The following CAB39L variants were observed in gnomAD, a reference collection of about 807,000 sequenced individuals.
CAB39L encodes calcium binding protein 39 like.
A neutral mutation model predicts 39.1 loss-of-function variants in CAB39L; 23 were observed. The ratio of observed to expected loss-of-function variants is 0.59; its 90% CI spans 0.42 to 0.83. The LOEUF (loss-of-function observed/expected upper bound fraction) is 0.83, where lower values mean the gene tolerates loss of function less well. Ranked by LOEUF, CAB39L falls within the 40% of genes least tolerant of loss-of-function variation. The probability of loss-of-function intolerance (pLI) is 0.00; values close to 1 mark genes in which losing one functional copy is unlikely to be tolerated. For synonymous variants in CAB39L, 126 were observed against 137.2 expected (o/e 0.92, Z 0.57); for missense variants, 366 against 391.9 (o/e 0.93, Z 0.56).
intron 3 of CAB39L, among the ~76,000 whole-genome samples, chr13:49,425,262 TC>T (rs1276019554): frequency 6.6e-6 from 1 of 152,038 alleles, no homozygotes; most frequent in Non-Finnish European, 1.5e-5. Context: ...AAAGACAATT[TC>T]AATATTGAAA....
chr13:49,338,632 C>T (rs1236136043), intron 9 of CAB39L, among the ~76,000 whole-genome samples: 1 of 151,508 alleles, frequency 6.6e-6, no homozygotes, highest in Non-Finnish European at 1.5e-5. Flanking sequence ...GCACATGTAC[C>T]CTAAAACTTA....
Position 49,331,955 on chromosome 13 carries a change from C to T in CAB39L, c.826G>A (p.Val276Ile), listed in dbSNP as rs755389893. The change falls in exon 10 of 11, where the codon GTT becomes ATT. Residue 276 changes from valine (V) to isoleucine (I), a missense_variant. Physicochemically the swap from Val to Ile is conservative, Grantham distance 29. Coordinates refer to ENST00000409308, the MANE Select transcript of CAB39L (RefSeq NM_001079670.3). Reference protein sequence around the residue: ...SPNIQFEAFHVFKVFVASPHK... With the variant: ...SPNIQFEAFHIFKVFVASPHK... Reference sequence around the variant, plus strand: ...GAGCTTGTACTTTTTACCTTAAAAACATGAAAGGCTTCAAACTGGATGTTG... The same window carrying T: ...GAGCTTGTACTTTTTACCTTAAAAATATGAAAGGCTTCAAACTGGATGTTG... 1 of 1,614,010 alleles carries T rather than the reference C, an allele frequency of 6.2e-7. No individual in the cohort carries two copies. Among genetic ancestry groups the T allele is most frequent in the Non-Finnish European group, 8.5e-7 (1 of 1,179,974 alleles).
At chr13:49,385,519 A>G (rs1956338150) in intron 3 of CAB39L, among the ~76,000 whole-genome samples, 1 of 152,228 alleles carries the variant, frequency 6.6e-6, no homozygotes, top group Non-Finnish European at 1.5e-5. Flanking sequence ...TGGCTAACTT[A>G]CTGATGCAAA....
chr13:49,389,852 AG>A (rs1956450007), intron 3 of CAB39L, among the ~76,000 whole-genome samples: 1 of 152,284 alleles, frequency 6.6e-6, no homozygotes, highest in Admixed American at 6.5e-5. Context: ...CAGCTGTAAA[AG>A]GTTGTCCCAT....
intron 2 of CAB39L, 145 bp from the exon 3 acceptor site, chr13:49,433,538 A>G (rs1287349509): frequency 2.8e-6 from 1 of 356,376 alleles, no homozygotes; most frequent in Non-Finnish European, 5.4e-6. Context: ...AAACAGGTAA[A>G]TTTTCATATC....
At chr13:49,370,410 T>C (rs1328963928) in intron 5 of CAB39L, among the ~76,000 whole-genome samples, 6 of 152,148 alleles carry the variant, frequency 3.9e-5, no homozygotes, top group Non-Finnish European at 7.4e-5. Flanking sequence ...TAGTGAAAAA[T>C]ACGACCACTG....
rs147868967 is a variant in CAB39L at position 49,433,317 on chromosome 13, C to A, written c.-32+1G>T. On this transcript the variant is annotated splice_donor_variant, in intron 3 of 10. Coordinates refer to ENST00000409308, the MANE Select transcript of CAB39L (RefSeq NM_001079670.3). LOFTEE classifies it low-confidence loss of function (5UTR_SPLICE). ...TTGATTGAGTCATCATACTAGCTTA[C>A]CTTAGAAGTTGTATATCATTTGCAA... 1 of 450,304 alleles carries A rather than the reference C, an allele frequency of 2.2e-6. No homozygotes were observed. The highest frequency in any genetic ancestry group is 7.0e-5 in the East Asian group (1 of 14,352). 27.9% of individuals were successfully genotyped at this position (450,304 alleles called of 1,614,324 possible).
intron 1 of CAB39L, among the ~76,000 whole-genome samples, chr13:49,441,385 G>A (rs984284010): frequency 6.6e-6 from 1 of 151,700 alleles, no homozygotes; most frequent in African/African-American, 2.4e-5. Flanking sequence ...GACCAGCCTG[G>A]GCAACATAGC....
intron 3 of CAB39L, among the ~76,000 whole-genome samples, chr13:49,387,039 C>T (rs933342842): frequency 2.0e-5 from 3 of 152,306 alleles, no homozygotes; most frequent in African/African-American, 4.8e-5. Context: ...ACACAAGACA[C>T]GTAAACTCCC....
rs1456695820 is a variant in CAB39L at position 49,344,210 on chromosome 13, A to G, written c.593T>C (p.Val198Ala). The change falls in exon 8 of 11, where the codon GTA becomes GCA. Residue 198 changes from valine to alanine, a missense_variant. Transcript: ENST00000409308. ...KDLLTRHKVL[V>A]ADFLEQNYDT... ...GTAATTTTGTTCTAAGAAGTCTGCT[A>G]CCAACACTTTATGTCTGGTTAGTAA... 1.2e-5 allele frequency: 20 copies of G among 1,602,080 alleles called. No homozygotes were observed. The highest frequency in any genetic ancestry group is 1.6e-5 in the Non-Finnish European group (19 of 1,169,614).
chr13:49,414,768 A>G (rs1957051898), intron 3 of CAB39L, among the ~76,000 whole-genome samples: 1 of 152,202 alleles, frequency 6.6e-6, no homozygotes, highest in Non-Finnish European at 1.5e-5. Context: ...TCTGGGTAGT[A>G]AGACTACAGA....
chr13:49,414,605 TA>T (rs1400093935), intron 3 of CAB39L, among the ~76,000 whole-genome samples: 2 of 152,092 alleles, frequency 1.3e-5, no homozygotes, highest in Non-Finnish European at 2.9e-5. Flanking sequence ...ATATGTTAAA[TA>T]AAAATCAAGA....
At chr13:49,366,132 A>G (rs1211033703) in intron 5 of CAB39L, among the ~76,000 whole-genome samples, 2 of 152,182 alleles carry the variant, frequency 1.3e-5, no homozygotes, top group East Asian at 3.9e-4. Context: ...AATCAAGAAT[A>G]GAAGCATGGT....
intron 7 of CAB39L, among the ~76,000 whole-genome samples, chr13:49,349,267 C>A (rs976907058): frequency 6.6e-5 from 10 of 150,950 alleles, no homozygotes; most frequent in African/African-American, 2.2e-4. Flanking sequence ...TGGACTATAT[C>A]GATATTATTG....
intron 3 of CAB39L, among the ~76,000 whole-genome samples, chr13:49,398,147 G>A (rs1956681123): frequency 6.6e-6 from 1 of 151,970 alleles, no homozygotes; most frequent in East Asian, 1.9e-4. Flanking sequence ...GGTTTTTCTG[G>A]CTGAGTAATT....
chr13:49,321,650 C>T (rs11620398), intron 10 of CAB39L, among the ~76,000 whole-genome samples: 1,847 of 152,198 alleles, frequency 0.012, 22 homozygotes, highest in Middle Eastern at 0.034. Flanking sequence ...CCGACTATTT[C>T]GTTCAAATGT....
intron 10 of CAB39L, among the ~76,000 whole-genome samples, chr13:49,327,827 C>T (rs1954548439): frequency 6.6e-6 from 1 of 152,184 alleles, no homozygotes; most frequent in Non-Finnish European, 1.5e-5. Context: ...CCCAGTCTCC[C>T]ACTGGTGCCC....
chr13:49,366,772 T>G (rs1955785370), intron 5 of CAB39L, among the ~76,000 whole-genome samples: 1 of 151,558 alleles, frequency 6.6e-6, no homozygotes, highest in African/African-American at 2.4e-5. Flanking sequence ...TCCCAGCACT[T>G]TAGGAAGCTA....
In CAB39L at chr13:49,338,486, C is replaced by T. The variant is rs940839353; in HGVS notation, c.690+1191G>A. The stretch of plus-strand genomic sequence containing the variant: ...TGGACACAGGAAGGGGAACATCACA[C>T]TCTGGGGACTGTTGTGGGGTGGGGG... On this transcript the variant is annotated intron_variant, in intron 9 of 10. Transcript: ENST00000409308. Among the ~76,000 whole-genome samples the T allele has an allele frequency of 5.7e-5, 7 of 123,060 alleles. No individual in the cohort carries two copies. In the South Asian group the frequency reaches 1.1e-3, roughly 18 times the overall value. 80.7% of individuals were successfully genotyped at this position (123,060 alleles called of 152,430 possible). A position where few individuals can be genotyped will look rare whatever the true frequency, so the allele number is the denominator to read the frequency against.
Sources: allele counts gnomAD v4.1 joint callset (sites outside exome capture counted in the v4.1 genomes callset), GRCh38; gene constraint gnomAD v4.1.1; transcripts MANE v1.5; gene names NCBI Gene and HGNC (gene_info 2026-07-23, HGNC 2026-07-21).